Variants in MAN1A2 observed in about 807,000 individuals in gnomAD.
The protein encoded by MAN1A2 is mannosyl-oligosaccharide 1,2-alpha-mannosidase IB.
Under a neutral mutation model 75.7 loss-of-function variants are expected in MAN1A2, and 26 were observed. The observed-to-expected ratio is 0.34, with a 90% CI of 0.25 to 0.48. MAN1A2 has a LOEUF of 0.48. Among genes scored for constraint, MAN1A2 ranks in the 20% least tolerant of loss-of-function variants. The pLI is 0.99. For synonymous variants in MAN1A2, 247 were observed against 264.6 expected, an observed-to-expected ratio of 0.93 and a Z score of 0.65; for missense variants, 562 against 775.5, an observed-to-expected ratio of 0.72 and a Z score of 3.27.
At chr1:117,380,384 T>A (rs1653291147) in intron 1 of MAN1A2, among the ~76,000 whole-genome samples, 1 of 152,220 alleles carries the variant, frequency 6.6e-6, no homozygotes, top group Admixed American at 6.5e-5. Flanking sequence ...TTTATCTGTT[T>A]TCTTTTGTTG....
At chr1:117,403,657 A>C (rs934717952) in intron 2 of MAN1A2, among the ~76,000 whole-genome samples, 1 of 152,270 alleles carries the variant, frequency 6.6e-6, no homozygotes, top group Non-Finnish European at 1.5e-5. Flanking sequence ...ATTTATTCTT[A>C]TAGCTTTTTT....
At position 117,420,652 on chromosome 1, in the gene MAN1A2, G is replaced by A. The variant is rs780236904; in HGVS notation, c.855+3G>A. ...CATATTACCTATCAGGAGAGGAGGTGAGCAAAATCAAGCAATGCATTGTTT... is the reference window on the plus strand; with the variant it reads ...CATATTACCTATCAGGAGAGGAGGTAAGCAAAATCAAGCAATGCATTGTTT... On this transcript the variant is annotated splice_donor_region_variant and intron_variant, in intron 5 of 12. Coordinates refer to ENST00000356554, the MANE Select transcript of MAN1A2 (RefSeq NM_006699.5). 17 of 1,608,316 alleles carry A rather than the reference G, an allele frequency of 1.1e-5. No homozygotes were observed. The highest frequency in any genetic ancestry group is 1.4e-5 in the Non-Finnish European group (17 of 1,175,518).
At chr1:117,433,915 C>T (rs1022395956) in intron 5 of MAN1A2, among the ~76,000 whole-genome samples, 27 of 152,152 alleles carry the variant, frequency 1.8e-4, no homozygotes, top group Admixed American at 1.6e-3. Context: ...ACAAGAAAGG[C>T]CGTGTTGCTT....
chr1:117,524,859 T>G lies in MAN1A2; in HGVS notation c.*1902T>G, dbSNP rs1651962644. On this transcript the variant is annotated 3_prime_UTR_variant, in exon 13 of 13. Transcript: ENST00000356554. ...CATTTAAATTTCTAAATGAGAAAGG[T>G]ATATATATTACTGTAACTGTAGAAG... The G allele has an allele frequency of 1.8e-5, 5 of 271,420 alleles. No homozygotes were observed. In the South Asian group the frequency reaches 2.1e-4, roughly 11 times the overall value. The allele number at this position is 271,420 out of a possible 1,614,324, so 16.8% of individuals were successfully genotyped here.
chr1:117,465,933 T>C (rs1271790275), intron 7 of MAN1A2, among the ~76,000 whole-genome samples: 3 of 152,164 alleles, frequency 2.0e-5, no homozygotes, highest in African/African-American at 7.2e-5. Context: ...CAAAATACAA[T>C]GGCATTTTAT....
chr1:117,431,740 G>C (rs1294789909), intron 5 of MAN1A2, among the ~76,000 whole-genome samples: 2 of 152,168 alleles, frequency 1.3e-5, no homozygotes, highest in African/African-American at 4.8e-5. Context: ...CTTGAGCTCA[G>C]GAGTTTAAGA....
At chr1:117,385,135 C>G (rs1298815251) in intron 1 of MAN1A2, among the ~76,000 whole-genome samples, 1 of 152,158 alleles carries the variant, frequency 6.6e-6, no homozygotes, top group Non-Finnish European at 1.5e-5. Context: ...AGCAGCTCAC[C>G]TCAGACAAAA....
intron 12 of MAN1A2, among the ~76,000 whole-genome samples, chr1:117,508,466 A>G (rs1280577598): frequency 6.6e-6 from 1 of 151,492 alleles, no homozygotes; most frequent in Non-Finnish European, 1.5e-5. Context: ...TTTCCTCCGT[A>G]TCTCTTGAAA....
chr1:117,464,139 G>T (rs1019642447), intron 7 of MAN1A2, among the ~76,000 whole-genome samples: 1 of 152,090 alleles, frequency 6.6e-6, no homozygotes, highest in Non-Finnish European at 1.5e-5. Context: ...GCTGAGGTGG[G>T]TGGATCGCTT....
chr1:117,507,648 A>G (rs139802955), intron 12 of MAN1A2, among the ~76,000 whole-genome samples: 189 of 151,822 alleles, frequency 1.2e-3, no homozygotes, highest in Admixed American at 2.0e-3. Flanking sequence ...TTTTAGGTGC[A>G]TTATTACTAA....
chr1:117,394,325 G>A (rs1207803165), intron 1 of MAN1A2, among the ~76,000 whole-genome samples: 2 of 151,950 alleles, frequency 1.3e-5, no homozygotes, highest in South Asian at 2.1e-4. Flanking sequence ...CTCGTGATCC[G>A]CCCGCCTCGG....
chr1:117,391,610 T>C (rs1474730364), intron 1 of MAN1A2, among the ~76,000 whole-genome samples: 2 of 152,218 alleles, frequency 1.3e-5, no homozygotes, highest in African/African-American at 4.8e-5. Flanking sequence ...TGAGTTACTT[T>C]ACACACTGTA....
At chr1:117,421,618 T>C (rs1249983274) in intron 5 of MAN1A2, among the ~76,000 whole-genome samples, 1 of 151,988 alleles carries the variant, frequency 6.6e-6, no homozygotes, top group East Asian at 1.9e-4. Context: ...GAGCTATTTA[T>C]GTACTACCTT....
intron 5 of MAN1A2, among the ~76,000 whole-genome samples, chr1:117,426,707 A>G (rs962565916): frequency 2.0e-5 from 3 of 152,194 alleles, no homozygotes; most frequent in Admixed American, 2.0e-4. Context: ...TATAGTTACT[A>G]CTGAATACTT....
intron 5 of MAN1A2, among the ~76,000 whole-genome samples, chr1:117,441,171 A>G (rs1243789177): frequency 6.6e-6 from 1 of 152,144 alleles, no homozygotes; most frequent in Non-Finnish European, 1.5e-5. Context: ...AGAGTGCATG[A>G]AGGAGAGAGT....
chr1:117,494,150 C>T (rs1187482610), intron 9 of MAN1A2: 2 of 152,066 alleles, frequency 1.3e-5, no homozygotes, highest in African/African-American at 4.8e-5. Context: ...ACTGAACAGT[C>T]TGGCTGCCGA....
In MAN1A2 at chr1:117,528,087, A is replaced by T. The variant is rs1652073057; in HGVS notation, c.*5130A>T. ...AGAATGTCTATATGCATCATTTTCA[A>T]CTAAAGCATACCTCATCCTTAAACT... On this transcript the variant is annotated 3_prime_UTR_variant, in exon 13 of 13. Transcript: ENST00000356554. 5 of 152,176 alleles carry T rather than the reference A, an allele frequency of 3.3e-5. No homozygotes were observed. The South Asian group carries it at 1.0e-3, about 32-fold the overall frequency. 9.4% of individuals were successfully genotyped at this position (152,176 alleles called of 1,614,324 possible).
chr1:117,514,753 C>T (rs1651662216), intron 12 of MAN1A2: 4 of 505,938 alleles, frequency 7.9e-6, no homozygotes, highest in Non-Finnish European at 1.6e-5. Flanking sequence ...GGTGAGGATT[C>T]TCAGATGAGG....
intron 6 of MAN1A2, 111 bp downstream of exon 6, chr1:117,442,436 C>T (rs1321929798): frequency 3.1e-6 from 2 of 651,082 alleles, no homozygotes; most frequent in Non-Finnish European, 5.4e-6. Flanking sequence ...TTGTTTTTCT[C>T]TCTATATATA....
Sources: allele counts gnomAD v4.1 joint callset (sites outside exome capture counted in the v4.1 genomes callset), GRCh38; gene constraint gnomAD v4.1.1; transcripts MANE v1.5; gene names NCBI Gene and HGNC (gene_info 2026-07-23, HGNC 2026-07-21).